MOG: variants seen among roughly 807,000 people sequenced by gnomAD.
MOG encodes the protein myelin oligodendrocyte glycoprotein, also known as myelin-oligodendrocyte glycoprotein.
Under a neutral mutation model 35.9 loss-of-function variants are expected in MOG, and 20 were observed. That is an observed-to-expected ratio of 0.56 (90% confidence interval 0.39 to 0.81). The LOEUF (loss-of-function observed/expected upper bound fraction) is 0.81. Among genes scored for constraint, MOG ranks in the 30% least tolerant of loss-of-function variants. The pLI, the probability that MOG is intolerant of heterozygous loss-of-function variation, is 0.00. For synonymous variants in MOG, 92 were observed against 114.3 expected (o/e 0.80, Z 1.25); for missense variants, 251 against 301.0 (o/e 0.83, Z 1.23).
In MOG at chr6:29,671,492, C is replaced by A; in HGVS notation, c.*307C>A. 1.6e-6 allele frequency: 2 copies of A among 1,288,276 alleles called. No homozygotes were observed. Among genetic ancestry groups the A allele is most frequent in the South Asian group, 1.2e-5 (1 of 84,538 alleles). 79.8% of individuals were successfully genotyped at this position (1,288,276 alleles called of 1,614,324 possible). A position where few individuals can be genotyped will look rare whatever the true frequency, so the allele number is the denominator to read the frequency against. On this transcript the variant is annotated 3_prime_UTR_variant, in exon 8 of 8. Coordinates refer to ENST00000376917, the MANE Select transcript of MOG (RefSeq NM_206809.4). Reference sequence around the variant, plus strand: ...CTCTCTCCATCAGAGGACACCTGTACTGGAGAGCAACACAGGATGGTCTCT... The same window carrying A: ...CTCTCTCCATCAGAGGACACCTGTAATGGAGAGCAACACAGGATGGTCTCT...
intron 4 of MOG, 89 bp from the exon 5 acceptor site, chr6:29,667,815 A>T: frequency 6.4e-7 from 1 of 1,564,290 alleles, no homozygotes; most frequent in Non-Finnish European, 8.8e-7. Context: ...GCCTAGAACA[A>T]GTTTTAAGTA....
At chr6:29,663,671 G>A (rs1458972880) in intron 2 of MOG, among the ~76,000 whole-genome samples, 2 of 152,154 alleles carry the variant, frequency 1.3e-5, no homozygotes, top group South Asian at 2.1e-4. Flanking sequence ...CTTTACATCC[G>A]GAGGCTGATA....
At chr6:29,663,025 T>C (rs1326599758) in intron 2 of MOG, among the ~76,000 whole-genome samples, 1 of 152,084 alleles carries the variant, frequency 6.6e-6, no homozygotes, top group African/African-American at 2.4e-5. Context: ...ATCCCAGTAC[T>C]TTGGGAGCCC....
Position 29,670,940 on chromosome 6 carries a change from C to G in MOG, c.730+219C>G. 6.2e-7 allele frequency: 1 copy of G among 1,611,782 alleles called. No individual in the cohort carries two copies. The highest frequency in any genetic ancestry group is 8.5e-7 in the Non-Finnish European group (1 of 1,179,522). ...AGGTGGCAGAGAAGCTGGAGGCACT[C>G]CTATCTGCCACCTGATCCATTCCTC... On this transcript the variant is annotated intron_variant, in intron 7 of 7. Coordinates refer to ENST00000376917, the MANE Select transcript of MOG (RefSeq NM_206809.4). This position sits in a 1 kb window ranked among gnomAD's most constrained non-coding sequence, Gnocchi z 4.2.
chr6:29,668,649 G>T (rs148131236), intron 5 of MOG, among the ~76,000 whole-genome samples: 2,845 of 152,166 alleles, frequency 0.019, 42 homozygotes, highest in Admixed American at 0.034. Flanking sequence ...GTACGATTTA[G>T]GAAATTAGAC....
rs1439950370 is a variant in MOG, at chr6:29,661,933, C to A, written c.436+2267C>A. ...TCCACATTCCAACCTCCTGTTCCCA[C>A]CTCTTCGTCTGCATGCCTAAGAAAC... On this transcript the variant is annotated intron_variant, in intron 2 of 7. Transcript: ENST00000376917. 19 of 985,246 alleles carry A rather than the reference C, an allele frequency of 1.9e-5. No individual in the cohort carries two copies. In the East Asian group the frequency reaches 6.8e-4, roughly 35 times the overall value. 61.0% of individuals were successfully genotyped at this position (985,246 alleles called of 1,614,324 possible).
chr6:29,671,575 A>G lies in MOG; in HGVS notation c.*390A>G, dbSNP rs889086138. 3 of 790,042 alleles carry G rather than the reference A, an allele frequency of 3.8e-6. No individual in the cohort carries two copies. Among genetic ancestry groups the G allele is most frequent in the Non-Finnish European group, 6.7e-6 (3 of 447,558 alleles). 48.9% of individuals were successfully genotyped at this position (790,042 alleles called of 1,614,324 possible). A position where few individuals can be genotyped will look rare whatever the true frequency, so the allele number is the denominator to read the frequency against. Reference sequence around the variant, plus strand: ...GAAAATTACAGTATGGTAACTTTGCAAATGGTGGTTGTTTCTTCCAAGACT... The same window carrying G: ...GAAAATTACAGTATGGTAACTTTGCGAATGGTGGTTGTTTCTTCCAAGACT... On this transcript the variant is annotated 3_prime_UTR_variant, in exon 8 of 8. Transcript: ENST00000376917.
intron 5 of MOG, among the ~76,000 whole-genome samples, chr6:29,668,226 C>T (rs1055669073): frequency 1.1e-4 from 17 of 152,280 alleles, no homozygotes; most frequent in African/African-American, 4.1e-4. Flanking sequence ...GTAAATAGAT[C>T]GTTTACACGT....
At position 29,670,236 on chromosome 6, in the gene MOG, AG is replaced by A. The variant is rs768497836; in HGVS notation, c.593-40del. 2 of 1,614,164 alleles carry A rather than the reference AG, an allele frequency of 1.2e-6. No individual in the cohort carries two copies. The highest frequency in any genetic ancestry group is 1.1e-5 in the South Asian group (1 of 91,078). ...AAAAAAGACAGGTGGGTGGGGCATG[AG>A]GGGGAACACATGTTAACCCTGTTTG... On this transcript the variant is annotated intron_variant, in intron 5 of 7. Coordinates refer to ENST00000376917, the MANE Select transcript of MOG (RefSeq NM_206809.4). This position sits in a 1 kb window ranked among gnomAD's most constrained non-coding sequence, Gnocchi z 4.2.
Position 29,670,112 on chromosome 6 carries a change from G to A in MOG, c.593-169G>A. ...AAAGAAAATGTTAAATCCAGTTATT[G>A]AAAATAAGGAGGCAGTACTTTTCTC... On this transcript the variant is annotated intron_variant, in intron 5 of 7. Transcript: ENST00000376917. The surrounding 1 kb of genome is among the most constrained non-coding windows in gnomAD (Gnocchi z 4.2). The A allele has an allele frequency of 8.8e-7, 1 of 1,134,542 alleles. No homozygotes were observed. Among genetic ancestry groups the A allele is most frequent in the South Asian group, 1.2e-5 (1 of 80,728 alleles). 70.3% of individuals were successfully genotyped at this position (1,134,542 alleles called of 1,614,324 possible).
chr6:29,661,962 T>G (rs1768897308), intron 2 of MOG: 1 of 985,288 alleles, frequency 1.0e-6, no homozygotes, highest in African/African-American at 1.7e-5. Flanking sequence ...AAGAAACTGT[T>G]TTACAAGTAA....
chr6:29,662,118 T>C lies in MOG; in HGVS notation c.436+2452T>C, dbSNP rs1334167945. On this transcript the variant is annotated intron_variant, in intron 2 of 7. Coordinates refer to ENST00000376917, the MANE Select transcript of MOG (RefSeq NM_206809.4). The surrounding 1 kb of genome is among the most constrained non-coding windows in gnomAD (Gnocchi z 4.2). The stretch of plus-strand genomic sequence containing the variant: ...TTTCTAATTTCTCTTGTTTACTTAT[T>C]TTTTTCTTGTCATTTTTGTGATTTT... 3.0e-6 allele frequency: 3 copies of C among 985,054 alleles called. No homozygotes were observed. Among genetic ancestry groups the C allele is most frequent in the African/African-American group, 1.7e-5 (1 of 57,242 alleles). The allele number at this position is 985,054 out of a possible 1,614,324, so 61.0% of individuals were successfully genotyped here. A position where few individuals can be genotyped will look rare whatever the true frequency, so the allele number is the denominator to read the frequency against.
rs1207078369 is a variant in MOG, at chr6:29,667,919, C to T, written c.587C>T (p.Thr196Ile). Reference sequence around the variant, plus strand: ...TCTCTTTCAGAGAATCTCCACCGGACTTTTGGTAAGTTCCGGCATGTCTAG... The same window carrying T: ...TCTCTTTCAGAGAATCTCCACCGGATTTTTGGTAAGTTCCGGCATGTCTAG... ...LRAEIENLHRTFDPHFLRVPC... is the reference protein window; with the variant it reads ...LRAEIENLHRIFDPHFLRVPC... The change falls in exon 5 of 8, where the codon ACT becomes ATT. Residue 196 changes from threonine to isoleucine, a missense_variant. Physicochemically the swap from Thr to Ile is moderately conservative, Grantham distance 89. Coordinates refer to ENST00000376917, the MANE Select transcript of MOG (RefSeq NM_206809.4). The T allele has an allele frequency of 6.2e-7, 1 of 1,613,272 alleles. No homozygotes were observed. The highest frequency in any genetic ancestry group is 8.5e-7 in the Non-Finnish European group (1 of 1,180,004).
chr6:29,664,992 T>G (rs1183804671), intron 2 of MOG, among the ~76,000 whole-genome samples: 1 of 152,210 alleles, frequency 6.6e-6, no homozygotes, highest in Non-Finnish European at 1.5e-5. Context: ...AGAGTTAGGG[T>G]GACCCTATTA....
rs1358099203 is a variant in MOG at position 29,662,129 on chromosome 6, CATTTTTGTG to C, written c.436+2469_436+2477del. ...TCTTGTTTACTTATTTTTTTCTTGT[CATTTTTGTG>C]ATTTTATTACTAGTTGTCTCTAATC... On this transcript the variant is annotated intron_variant, in intron 2 of 7. Coordinates refer to ENST00000376917, the MANE Select transcript of MOG (RefSeq NM_206809.4). The surrounding 1 kb of genome is among the most constrained non-coding windows in gnomAD (Gnocchi z 4.2). 1 of 984,582 alleles carries C rather than the reference CATTTTTGTG, an allele frequency of 1.0e-6. No individual in the cohort carries two copies. 61.0% of individuals were successfully genotyped at this position (984,582 alleles called of 1,614,324 possible).
In MOG at chr6:29,671,864, A is replaced by G. The variant is rs1583168916; in HGVS notation, c.*679A>G. 8.7e-6 allele frequency: 2 copies of G among 230,788 alleles called. No individual in the cohort carries two copies. Among genetic ancestry groups the G allele is most frequent in the East Asian group, 1.8e-4 (2 of 11,084 alleles). The allele number at this position is 230,788 out of a possible 1,614,324, so 14.3% of individuals were successfully genotyped here. ...TTCCTTCTACTTACACATCTTCCAC[A>G]GGTCTCAGAATCTTTCCTTCCTCTC... is the stretch of plus-strand genomic sequence containing the variant. On this transcript the variant is annotated 3_prime_UTR_variant, in exon 8 of 8. Coordinates refer to ENST00000376917, the MANE Select transcript of MOG (RefSeq NM_206809.4).
At position 29,661,397 on chromosome 6, in the gene MOG, A is replaced by G. The variant is rs1434374723; in HGVS notation, c.436+1731A>G. The G allele has an allele frequency of 3.0e-6, 3 of 985,238 alleles. No homozygotes were observed. The African/African-American group carries it at 5.2e-5, about 17-fold the overall frequency. The allele number at this position is 985,238 out of a possible 1,614,324, so 61.0% of individuals were successfully genotyped here. On this transcript the variant is annotated intron_variant, in intron 2 of 7. Transcript: ENST00000376917. ...CTTCATACAGCTGTTTTTATTGGGG[A>G]AATTCTACTTGCCGAAAAGTTTGAT...
At chr6:29,667,108 A>T (rs1770377093) in intron 3 of MOG, among the ~76,000 whole-genome samples, 1 of 152,222 alleles carries the variant, frequency 6.6e-6, no homozygotes, top group African/African-American at 2.4e-5. Context: ...TTTGAATTCC[A>T]TCTCAGGTAC....
chr6:29,657,106 A>T lies in MOG; in HGVS notation c.-104A>T. The T allele has an allele frequency of 1.2e-6, 1 of 865,150 alleles. No homozygotes were observed. Among genetic ancestry groups the T allele is most frequent in the Non-Finnish European group, 2.0e-6 (1 of 509,822 alleles). The allele number at this position is 865,150 out of a possible 1,614,324, so 53.6% of individuals were successfully genotyped here. ...AGGGCCCAGGCAGCACTGCCCTCCA[A>T]GATCTTCCCTTGGGCTTTTCAGCAG... On this transcript the variant is annotated 5_prime_UTR_variant, in exon 1 of 8. In the 5' UTR this introduces an upstream ATG that the reference lacks. Transcript: ENST00000376917.
Sources: gnomAD v4.1 joint callset for allele counts (sites outside exome capture counted in the v4.1 genomes callset) on GRCh38, gnomAD v4.1.1 for gene constraint, Gnocchi (gnomAD v3.1) non-coding constraint, MANE v1.5 for transcripts, NCBI Gene and HGNC (gene_info 2026-07-23, HGNC 2026-07-21) for gene names.